ITGBL1: variants seen among roughly 807,000 people sequenced by gnomAD.
The protein encoded by ITGBL1 is integrin subunit beta like 1, also known as integrin beta-like protein 1.
In ITGBL1, 51 loss-of-function variants were observed where a neutral mutation model predicts 68.5. That is an observed-to-expected ratio of 0.74 (90% CI 0.59 to 0.94). The LOEUF is 0.94. Ranked by LOEUF, ITGBL1 falls within the 40% of genes least tolerant of loss-of-function variation. The probability of loss-of-function intolerance (pLI) is 0.00; values close to 1 mark genes in which losing one functional copy is unlikely to be tolerated. For missense variants in ITGBL1, 649 were observed against 647.4 expected (o/e 1.00, Z -0.03); for synonymous variants, 209 against 227.3 (o/e 0.92, Z 0.72).
intron 4 of ITGBL1, among the ~76,000 whole-genome samples, chr13:101,578,521 A>G (rs1035416986): frequency 2.6e-5 from 4 of 152,210 alleles, no homozygotes; most frequent in African/African-American, 9.6e-5. Context: ...CTAGGTGTGG[A>G]TGAGGAAAGC....
chr13:101,582,679 G>C (rs141150310), intron 5 of ITGBL1, among the ~76,000 whole-genome samples: 1 of 152,146 alleles, frequency 6.6e-6, no homozygotes, highest in African/African-American at 2.4e-5. Flanking sequence ...TCTTTGCTCA[G>C]TCTTTTTTTC....
chr13:101,607,413 T>C (rs764906667), intron 7 of ITGBL1, among the ~76,000 whole-genome samples: 3 of 152,072 alleles, frequency 2.0e-5, no homozygotes, highest in Non-Finnish European at 4.4e-5. Flanking sequence ...GTTACAAATA[T>C]AATTCTGCAG....
chr13:101,710,604 C>A (rs757652136), intron 9 of ITGBL1, among the ~76,000 whole-genome samples: 1 of 152,150 alleles, frequency 6.6e-6, no homozygotes, highest in African/African-American at 2.4e-5. Context: ...AATTTTCTAT[C>A]ATTTTTCTCA....
chr13:101,499,633 T>C (rs1257913543), intron 2 of ITGBL1, among the ~76,000 whole-genome samples: 1 of 152,182 alleles, frequency 6.6e-6, no homozygotes, highest in Non-Finnish European at 1.5e-5. Context: ...CTTGGGCAAA[T>C]AAATGCCTCA....
At chr13:101,634,666 G>T (rs1013924336) in intron 7 of ITGBL1, among the ~76,000 whole-genome samples, 3 of 152,084 alleles carry the variant, frequency 2.0e-5, no homozygotes, top group African/African-American at 7.2e-5. Context: ...AGAGTGCCAG[G>T]TGTGTGTCAT....
At chr13:101,665,723 A>C (rs2033197706) in intron 7 of ITGBL1, among the ~76,000 whole-genome samples, 1 of 152,186 alleles carries the variant, frequency 6.6e-6, no homozygotes, top group African/African-American at 2.4e-5. Flanking sequence ...AGCTATCAGA[A>C]TCAAAATGGA....
intron 3 of ITGBL1, among the ~76,000 whole-genome samples, chr13:101,570,161 TA>T (rs1009671633): frequency 1.3e-5 from 2 of 152,162 alleles, no homozygotes; most frequent in Non-Finnish European, 2.9e-5. Flanking sequence ...AGTGACTTAT[TA>T]TCAGTCTAGA....
At chr13:101,703,552 A>G (rs187770333) in intron 8 of ITGBL1, among the ~76,000 whole-genome samples, 67 of 152,352 alleles carry the variant, frequency 4.4e-4, no homozygotes, top group Admixed American at 2.8e-3. Context: ...TGCTGTAGGA[A>G]TCTACGAGCC....
chr13:101,696,520 G>A (rs752751931), intron 8 of ITGBL1, among the ~76,000 whole-genome samples: 1 of 152,154 alleles, frequency 6.6e-6, no homozygotes, highest in African/African-American at 2.4e-5. Flanking sequence ...GGGTATGTTA[G>A]TTCCCTCTCC....
chr13:101,687,227 C>T (rs1301591596), intron 7 of ITGBL1, among the ~76,000 whole-genome samples: 3 of 151,874 alleles, frequency 2.0e-5, no homozygotes, highest in South Asian at 2.1e-4. Context: ...CATATCTAAT[C>T]GTGTATTTCA....
At chr13:101,693,875 G>A (rs1019051767) in intron 8 of ITGBL1, among the ~76,000 whole-genome samples, 1 of 152,104 alleles carries the variant, frequency 6.6e-6, no homozygotes, top group African/African-American at 2.4e-5. Context: ...GTGATGACCT[G>A]GAGCAGTAGG....
intron 8 of ITGBL1, among the ~76,000 whole-genome samples, chr13:101,697,543 G>T (rs1415958320): frequency 6.6e-6 from 1 of 152,160 alleles, no homozygotes; most frequent in Non-Finnish European, 1.5e-5. Flanking sequence ...GTGAGGCAGT[G>T]CCATATAGCA....
At chr13:101,603,682 T>C (rs2030527572) in intron 7 of ITGBL1, among the ~76,000 whole-genome samples, 1 of 102,566 alleles carries the variant, frequency 9.7e-6, no homozygotes, top group Non-Finnish European at 2.5e-5. Context: ...CTAACCACTG[T>C]CTCTTTTTTA....
Position 101,540,120 on chromosome 13 carries a change from C to T in ITGBL1, c.317-27579C>T, listed in dbSNP as rs1227631293. Among the ~76,000 whole-genome samples the T allele has an allele frequency of 2.0e-5, 3 of 152,032 alleles. No individual in the cohort carries two copies. The East Asian group carries it at 5.8e-4, about 29-fold the overall frequency. ...GCTTTTGGTGTTTTAGACATGAAGTCCTTGCCCATGCCTATGTCCTGAATG... is the reference window on the plus strand; with the variant it reads ...GCTTTTGGTGTTTTAGACATGAAGTTCTTGCCCATGCCTATGTCCTGAATG... On this transcript the variant is annotated intron_variant, in intron 2 of 10. Coordinates refer to ENST00000376180, the MANE Select transcript of ITGBL1 (RefSeq NM_004791.3).
At chr13:101,688,246 C>T (rs936179977) in intron 7 of ITGBL1, among the ~76,000 whole-genome samples, 5 of 152,094 alleles carry the variant, frequency 3.3e-5, no homozygotes, top group Non-Finnish European at 5.9e-5. Flanking sequence ...GGTTGAGGCA[C>T]TTGCTTATCT....
intron 2 of ITGBL1, among the ~76,000 whole-genome samples, chr13:101,496,033 A>G (rs2048853071): frequency 6.6e-6 from 1 of 152,180 alleles, no homozygotes; most frequent in South Asian, 2.1e-4. Flanking sequence ...CAAATTCCAC[A>G]ATTTATCTAC....
chr13:101,652,088 A>ATTAT (rs147084268), intron 7 of ITGBL1, among the ~76,000 whole-genome samples: 44 of 152,056 alleles, frequency 2.9e-4, no homozygotes, highest in African/African-American at 8.9e-4. Flanking sequence ...TTTAAAAAAA[A>ATTAT]TTATTTATTT....
At chr13:101,577,863 C>T (rs1364203232) in intron 4 of ITGBL1, among the ~76,000 whole-genome samples, 2 of 152,064 alleles carry the variant, frequency 1.3e-5, no homozygotes, top group Admixed American at 6.6e-5. Flanking sequence ...ATATTCTGTA[C>T]TGATTAAATC....
In ITGBL1 at chr13:101,689,211, T is replaced by TAAAAAAAAAAAAAAAAAAAAAAAA. The variant is rs34627046; in HGVS notation, c.1016-3352_1016-3351insAAAAAAAAAAAAAAAAAAAAAAAA. Among the ~76,000 whole-genome samples the TAAAAAAAAAAAAAAAAAAAAAAAA allele has an allele frequency of 7.5e-3, 562 of 74,798 alleles. 37 individuals carry two copies. The highest frequency in any genetic ancestry group is 0.01 in the Non-Finnish European group (379 of 37,762). 49.1% of individuals were successfully genotyped at this position (74,798 alleles called of 152,430 possible). On this transcript the variant is annotated intron_variant, in intron 7 of 10. Coordinates refer to ENST00000376180, the MANE Select transcript of ITGBL1 (RefSeq NM_004791.3). The stretch of plus-strand genomic sequence containing the variant: ...CCTGGGGACAGAGCAAGACTCTGCC[T>TAAAAAAAAAAAAAAAAAAAAAAAA]AAAAAAAAAAAAAAAAAAAAAATTA...
Sources: allele counts gnomAD v4.1 joint callset (sites outside exome capture counted in the v4.1 genomes callset), GRCh38; gene constraint gnomAD v4.1.1; transcripts MANE v1.5; gene names NCBI Gene and HGNC (gene_info 2026-07-23, HGNC 2026-07-21).